Variants in STARD13 observed in about 807,000 individuals in gnomAD.
STARD13 encodes stAR-related lipid transfer protein 13.
STARD13 carries 62 observed loss-of-function variants against 106.4 expected under a neutral mutation model. The ratio of observed to expected loss-of-function variants is 0.58; its 90% confidence interval spans 0.48 to 0.72. The LOEUF (loss-of-function observed/expected upper bound fraction) is 0.72. Among genes scored for constraint, STARD13 ranks in the 30% least tolerant of loss-of-function variants. STARD13 has a pLI of 0.00. For synonymous variants in STARD13, 565 were observed against 553.0 expected (o/e 1.02, Z -0.31); for missense variants, 1,387 against 1,424.0 (o/e 0.97, Z 0.42).
intron 3 of STARD13, among the ~76,000 whole-genome samples, chr13:33,143,027 T>C (rs959989051): frequency 4.6e-5 from 7 of 152,194 alleles, no homozygotes; most frequent in African/African-American, 1.2e-4. Context: ...CCTCTCTCTC[T>C]CTGCATGTGA....
At chr13:33,390,635 G>A in the STARD13 span, among the ~76,000 whole-genome samples, 34 of 152,290 alleles carry the variant, frequency 2.2e-4, no homozygotes, top group African/African-American at 8.2e-4. Context: ...CTTTGTGTCA[G>A]GAATGCTATG....
the STARD13 span, among the ~76,000 whole-genome samples, chr13:33,492,720 C>T: frequency 4.6e-5 from 7 of 152,116 alleles, no homozygotes; most frequent in Non-Finnish European, 1.0e-4. Flanking sequence ...AAGAAATAAC[C>T]ATAAAAATGG....
chr13:33,142,825 G>T (rs1274939308), intron 3 of STARD13, among the ~76,000 whole-genome samples: 1 of 152,148 alleles, frequency 6.6e-6, no homozygotes, highest in Non-Finnish European at 1.5e-5. Flanking sequence ...ACATCACAGT[G>T]CTGAATTATA....
the STARD13 span, among the ~76,000 whole-genome samples, chr13:33,643,974 C>T: frequency 1.3e-5 from 2 of 152,216 alleles, no homozygotes; most frequent in Admixed American, 1.3e-4. Flanking sequence ...CCTCCAGGTT[C>T]TCCTTTAAAA....
the STARD13 span, among the ~76,000 whole-genome samples, chr13:33,465,984 T>C: frequency 6.6e-6 from 1 of 152,184 alleles, no homozygotes; most frequent in Non-Finnish European, 1.5e-5. Flanking sequence ...ACTTATTGTA[T>C]GATTCCAGAG....
chr13:33,187,792 C>T (rs1465030114), intron 1 of STARD13, among the ~76,000 whole-genome samples: 1 of 152,140 alleles, frequency 6.6e-6, no homozygotes, highest in Non-Finnish European at 1.5e-5. Context: ...AAATGATTCT[C>T]GTGCCTCAGC....
At chr13:33,668,732 G>A in the STARD13 span, among the ~76,000 whole-genome samples, 1 of 152,302 alleles carries the variant, frequency 6.6e-6, no homozygotes, top group East Asian at 1.9e-4. Context: ...AAAGCTGACT[G>A]GGTCCTACCT....
the STARD13 span, among the ~76,000 whole-genome samples, chr13:33,628,294 G>A: frequency 6.6e-6 from 1 of 151,766 alleles, no homozygotes; most frequent in Non-Finnish European, 1.5e-5. Flanking sequence ...CTCTGTACCT[G>A]GTACTAATTA....
chr13:33,125,973 A>T, intron 7 of STARD13, 108 bp downstream of exon 7: 1 of 1,178,178 alleles, frequency 8.5e-7, no homozygotes, highest in Non-Finnish European at 1.2e-6. Context: ...ATTTTTGGTG[A>T]GGCATGTCTT....
At chr13:33,450,254 T>C in the STARD13 span, among the ~76,000 whole-genome samples, 4 of 152,218 alleles carry the variant, frequency 2.6e-5, no homozygotes, top group Admixed American at 2.6e-4. Flanking sequence ...TTGAGGCATG[T>C]TCCTTCTATA....
At chr13:33,116,050 T>G (rs940659016) in intron 8 of STARD13, among the ~76,000 whole-genome samples, 2 of 152,176 alleles carry the variant, frequency 1.3e-5, no homozygotes, top group African/African-American at 4.8e-5. Context: ...GGTAAGTCCC[T>G]CAACAACACC....
downstream of STARD13, among the ~76,000 whole-genome samples, chr13:33,344,704 T>TA (rs2078000276): frequency 1.3e-5 from 2 of 152,236 alleles, no homozygotes. Context: ...TAAGTCAGAA[T>TA]ATTTTTGGCA....
chr13:33,167,578 A>C lies in STARD13; in HGVS notation c.214T>G (p.Phe72Val). The change falls in exon 2 of 14, where the codon TTC (phenylalanine) becomes GTC (valine). Residue 72 changes from phenylalanine to valine, a missense_variant. Physicochemically the swap from Phe to Val is conservative, Grantham distance 50. Coordinates refer to ENST00000336934, the MANE Select transcript of STARD13 (RefSeq NM_178006.4). ...EACDWLRAAG[F>V]PQYAQLYEDS... ...TCATATAACTGAGCGTATTGCGGGA[A>C]CCCGGCAGCACGGAGCCAGTCACAT... 6.2e-7 allele frequency: 1 copy of C among 1,614,204 alleles called. No homozygotes were observed. The highest frequency in any genetic ancestry group is 8.5e-7 in the Non-Finnish European group (1 of 1,180,032).
chr13:33,110,761 C>T lies in STARD13; in HGVS notation c.2754G>A (p.Gln918=). 1 of 1,614,232 alleles carries T rather than the reference C, an allele frequency of 6.2e-7. No homozygotes were observed. The highest frequency in any genetic ancestry group is 8.5e-7 in the Non-Finnish European group (1 of 1,180,040). The change falls in exon 11 of 14, where the codon CAG becomes CAA. Residue 918 remains glutamine, a synonymous_variant. Transcript: ENST00000336934. The part of the protein sequence containing the change: ...TYLNHLIQGL[Q]KEAKEKFKGW... ...CTTTGAACTTCTCCTTGGCTTCTTTCTGGAGGCCCTGGATGAGATGGTTCA... is the reference window on the plus strand; with the variant it reads ...CTTTGAACTTCTCCTTGGCTTCTTTTTGGAGGCCCTGGATGAGATGGTTCA...
At chr13:33,665,518 C>G in the STARD13 span, among the ~76,000 whole-genome samples, 9,665 of 152,196 alleles carry the variant, frequency 0.064, 785 homozygotes, top group East Asian at 0.25. Context: ...TAAATGACAG[C>G]AATATTTTCT....
chr13:33,117,454 G>T, intron 8 of STARD13: 1 of 284,190 alleles, frequency 3.5e-6, no homozygotes, highest in Non-Finnish European at 5.3e-6. Context: ...ACTTATAGTA[G>T]GATATGCTTC....
chr13:33,492,644 G>A, the STARD13 span, among the ~76,000 whole-genome samples: 1 of 152,216 alleles, frequency 6.6e-6, no homozygotes, highest in African/African-American at 2.4e-5. Flanking sequence ...ACAACGTCAG[G>A]AAGTGACTCT....
At chr13:33,155,934 G>A (rs1881908174) in intron 3 of STARD13, among the ~76,000 whole-genome samples, 1 of 152,204 alleles carries the variant, frequency 6.6e-6, no homozygotes, top group Non-Finnish European at 1.5e-5. Context: ...TTTAGGCACA[G>A]ATAAGAATGT....
chr13:33,537,454 G>A, the STARD13 span, among the ~76,000 whole-genome samples: 1 of 152,326 alleles, frequency 6.6e-6, no homozygotes, highest in Admixed American at 6.5e-5. Flanking sequence ...GTCTTGGCAA[G>A]TAGGTATCTT....
Sources: allele counts gnomAD v4.1 joint callset (sites outside exome capture counted in the v4.1 genomes callset), GRCh38; gene constraint gnomAD v4.1.1; transcripts MANE v1.5; gene names NCBI Gene and HGNC (gene_info 2026-07-23, HGNC 2026-07-21).